The following SHISA9 variants were observed in gnomAD, a reference collection of about 807,000 sequenced individuals.
SHISA9 encodes the protein shisa family member 9.
SHISA9 carries 13 observed loss-of-function variants against 38.0 expected under a neutral mutation model. The ratio of observed to expected loss-of-function variants is 0.34; its 90% confidence interval spans 0.22 to 0.54. The LOEUF (loss-of-function observed/expected upper bound fraction) is 0.54, where lower values mean the gene tolerates loss of function less well. Among genes scored for constraint, SHISA9 ranks in the 20% least tolerant of loss-of-function variants. The pLI, the probability that SHISA9 is intolerant of heterozygous loss-of-function variation, is 0.91. For missense variants in SHISA9, 538 were observed against 575.8 expected (o/e 0.93, Z 0.67); for synonymous variants, 275 against 242.0 (o/e 1.14, Z -1.27).
intron 2 of SHISA9, among the ~76,000 whole-genome samples, chr16:12,974,035 G>T (rs991717106): frequency 6.6e-6 from 1 of 152,330 alleles, no homozygotes; most frequent in Non-Finnish European, 1.5e-5. Flanking sequence ...CACAAGTCAA[G>T]GGTCTCCAGC....
chr16:13,237,770 A>G lies in SHISA9; in HGVS notation c.*2361A>G, dbSNP rs1046879182. The G allele has an allele frequency of 2.6e-5, 4 of 152,030 alleles. No homozygotes were observed. Among genetic ancestry groups the G allele is most frequent in the African/African-American group, 7.2e-5 (3 of 41,394 alleles). 9.4% of individuals were successfully genotyped at this position (152,030 alleles called of 1,614,324 possible). On this transcript the variant is annotated 3_prime_UTR_variant, in exon 5 of 5. Coordinates refer to ENST00000558583, the MANE Select transcript of SHISA9 (RefSeq NM_001145204.3). ...AGCTGGGGTCAGAGATTTAGTGCCC[A>G]CCTTCTCAGCCTCCTTGGGAAGACC...
At chr16:13,021,908 A>G (rs58739353) in intron 2 of SHISA9, among the ~76,000 whole-genome samples, 11,887 of 152,220 alleles carry the variant, frequency 0.078, 622 homozygotes, top group East Asian at 0.27. Flanking sequence ...ATGACCACAC[A>G]CTGCATGGTT....
At position 12,922,541 on chromosome 16, in the gene SHISA9, A is replaced by T. The variant is rs567670307; in HGVS notation, c.691+5726A>T. On this transcript the variant is annotated intron_variant, in intron 2 of 4. Transcript: ENST00000558583. The stretch of plus-strand genomic sequence containing the variant: ...CCCAACCTTTTCTTTTCTTTTTGAG[A>T]TGGAGTCTCGCTCTGTTACCCAGGT... 1.8e-4 allele frequency among the ~76,000 whole-genome samples: 27 copies of T among 152,308 alleles called. 1 individual carries two copies. The South Asian group carries it at 5.6e-3, about 32-fold the overall frequency.
At chr16:12,965,213 A>G (rs2071961664) in intron 2 of SHISA9, among the ~76,000 whole-genome samples, 1 of 152,152 alleles carries the variant, frequency 6.6e-6, no homozygotes, top group Non-Finnish European at 1.5e-5. Flanking sequence ...AGTCTGAAAC[A>G]TGTATTTATG....
At chr16:13,219,785 A>G (rs991731466) in intron 4 of SHISA9, among the ~76,000 whole-genome samples, 3 of 152,064 alleles carry the variant, frequency 2.0e-5, no homozygotes, top group South Asian at 2.1e-4. Context: ...AGATGGTGAA[A>G]TTGTCTCTAC....
At chr16:12,929,043 C>T (rs1401848713) in intron 2 of SHISA9, among the ~76,000 whole-genome samples, 1 of 152,094 alleles carries the variant, frequency 6.6e-6, no homozygotes, top group Admixed American at 6.6e-5. Flanking sequence ...AGAAAAAGTG[C>T]AACATTACTG....
the SHISA9 span, among the ~76,000 whole-genome samples, chr16:13,485,704 C>G: frequency 1.3e-5 from 2 of 152,138 alleles, no homozygotes; most frequent in African/African-American, 4.8e-5. Flanking sequence ...TTATTGTTAA[C>G]TCTAATTTCC....
the SHISA9 span, among the ~76,000 whole-genome samples, chr16:13,294,881 G>C: frequency 6.6e-6 from 1 of 152,182 alleles, no homozygotes; most frequent in African/African-American, 2.4e-5. Flanking sequence ...AGCACGTCCA[G>C]AGTTAATAGC....
chr16:13,277,201 CT>C, the SHISA9 span, among the ~76,000 whole-genome samples: 9 of 151,920 alleles, frequency 5.9e-5, no homozygotes, highest in African/African-American at 2.2e-4. Flanking sequence ...ATTCTATTTG[CT>C]TTGTTGAAGA....
intron 4 of SHISA9, among the ~76,000 whole-genome samples, chr16:13,216,490 A>G (rs2051170486): frequency 6.6e-6 from 1 of 152,222 alleles, no homozygotes; most frequent in South Asian, 2.1e-4. Context: ...AGGCTCTGAA[A>G]AGCCTTGTGG....
the SHISA9 span, among the ~76,000 whole-genome samples, chr16:13,428,803 C>T: frequency 2.0e-5 from 3 of 148,462 alleles, no homozygotes; most frequent in African/African-American, 7.5e-5. Flanking sequence ...GAGTCTCACT[C>T]TGTTGCCCAG....
chr16:13,237,878 A>C lies in SHISA9; in HGVS notation c.*2469A>C, dbSNP rs1048671087. 8 of 152,052 alleles carry C rather than the reference A, an allele frequency of 5.3e-5. 1 individual carries two copies. The highest frequency in any genetic ancestry group is 5.2e-4 in the Admixed American group (8 of 15,262). 9.4% of individuals were successfully genotyped at this position (152,052 alleles called of 1,614,324 possible). A position where few individuals can be genotyped will look rare whatever the true frequency, so the allele number is the denominator to read the frequency against. ...TTAATGAGCTATGTACCTGCAACAC[A>C]CTTTGGCATCTCTGTATATCACCTT... On this transcript the variant is annotated 3_prime_UTR_variant, in exon 5 of 5. Transcript: ENST00000558583.
At chr16:13,069,119 A>T (rs1451923680) in intron 2 of SHISA9, among the ~76,000 whole-genome samples, 1 of 150,450 alleles carries the variant, frequency 6.6e-6, no homozygotes, top group African/African-American at 2.5e-5. Context: ...TGTACATGCA[A>T]TGTGTATATG....
intron 2 of SHISA9, among the ~76,000 whole-genome samples, chr16:13,025,464 C>T (rs1178103436): frequency 6.6e-6 from 1 of 152,218 alleles, no homozygotes; most frequent in East Asian, 1.9e-4. Flanking sequence ...CTCCTGGATC[C>T]TGGAACCCCT....
chr16:13,215,821 T>C (rs1030932430), intron 4 of SHISA9, among the ~76,000 whole-genome samples: 21 of 152,268 alleles, frequency 1.4e-4, no homozygotes, highest in African/African-American at 5.1e-4. Context: ...ACCCAGACTC[T>C]AGATGAGGTA....
intron 2 of SHISA9, among the ~76,000 whole-genome samples, chr16:13,174,681 C>A (rs1464331101): frequency 6.6e-6 from 1 of 152,134 alleles, no homozygotes; most frequent in African/African-American, 2.4e-5. Context: ...CCTCCTCTCA[C>A]ATGGGGTGAG....
rs2071029937 is a variant in SHISA9 at position 12,902,389 on chromosome 16, A to T, written c.325A>T (p.Thr109Ser). The change falls in exon 1 of 5, where the codon ACG becomes TCG. Residue 109 changes from threonine (T) to serine (S), a missense_variant. Physicochemically the swap from Thr to Ser is moderately conservative, Grantham distance 58 (BLOSUM62 1). This residue lies in a region of SHISA9 where 17 missense variants were observed against 57.2 expected (regional missense o/e 0.30). Transcript: ENST00000558583. ...CGTCGFRFCC[T>S]FKKRRLNQST... ...GACTTGTGGCTTCCGGTTCTGCTGC[A>T]CGTTTAAGAAGCGGCGACTGAACCA... 1 of 1,551,118 alleles carries T rather than the reference A, an allele frequency of 6.4e-7. No individual in the cohort carries two copies. Among genetic ancestry groups the T allele is most frequent in the South Asian group, 1.2e-5 (1 of 84,066 alleles).
intron 2 of SHISA9, among the ~76,000 whole-genome samples, chr16:12,978,866 T>A (rs2072202093): frequency 6.6e-6 from 1 of 152,198 alleles, no homozygotes; most frequent in East Asian, 1.9e-4. Context: ...CAAGTAGTAA[T>A]TGTAGAATCT....
At chr16:12,988,335 T>A (rs1029120225) in intron 2 of SHISA9, among the ~76,000 whole-genome samples, 3 of 152,182 alleles carry the variant, frequency 2.0e-5, no homozygotes, top group Admixed American at 2.0e-4. Context: ...CCGCAGGTCG[T>A]CCCCTTCTGC....
Sources: gnomAD v4.1 joint callset for allele counts (sites outside exome capture counted in the v4.1 genomes callset) on GRCh38, gnomAD v4.1.1 for gene constraint, gnomAD v4.1.1 regional missense constraint, MANE v1.5 for transcripts, NCBI Gene and HGNC (gene_info 2026-07-23, HGNC 2026-07-21) for gene names.